The following BAZ2B variants were observed in gnomAD, a reference collection of about 807,000 sequenced individuals.
BAZ2B encodes the protein bromodomain adjacent to zinc finger domain 2B, also known as bromodomain adjacent to zinc finger domain protein 2B.
In BAZ2B, 91 loss-of-function variants were observed where a neutral mutation model predicts 246.0. The observed-to-expected ratio is 0.37, with a 90% CI of 0.31 to 0.44. The LOEUF (loss-of-function observed/expected upper bound fraction) is 0.44, where lower values mean the gene tolerates loss of function less well. Ranked by LOEUF, BAZ2B falls within the 20% of genes least tolerant of loss-of-function variation. The pLI, the probability that BAZ2B is intolerant of heterozygous loss-of-function variation, is 1.00. For synonymous variants in BAZ2B, 855 were observed against 860.0 expected (o/e 0.99, Z 0.10); for missense variants, 2,332 against 2,533.7 (o/e 0.92, Z 1.71).
intron 2 of BAZ2B, among the ~76,000 whole-genome samples, chr2:159,524,548 T>A (rs995965361): frequency 6.6e-6 from 1 of 152,076 alleles, no homozygotes; most frequent in African/African-American, 2.4e-5. Context: ...GATATTTCAA[T>A]AGAACCAATT....
At chr2:159,324,484 G>C (rs1276234287) in intron 36 of BAZ2B, among the ~76,000 whole-genome samples, 1 of 151,998 alleles carries the variant, frequency 6.6e-6, no homozygotes, top group East Asian at 1.9e-4. Context: ...TACTTTGGGA[G>C]GCTCTCCTGA....
intron 1 of BAZ2B, among the ~76,000 whole-genome samples, chr2:159,562,881 T>A (rs546528266): frequency 6.6e-5 from 10 of 152,220 alleles, no homozygotes; most frequent in East Asian, 3.9e-4. Flanking sequence ...TTGCTTTTTT[T>A]AAAAAAATCA....
intron 10 of BAZ2B, among the ~76,000 whole-genome samples, chr2:159,430,044 A>G (rs2070783072): frequency 4.6e-5 from 7 of 152,176 alleles, no homozygotes. Flanking sequence ...AGGACATGGC[A>G]CGTTAATGGA....
At chr2:159,436,631 G>A (rs1577019483) in intron 8 of BAZ2B, among the ~76,000 whole-genome samples, 1 of 152,220 alleles carries the variant, frequency 6.6e-6, no homozygotes, top group African/African-American at 2.4e-5. Context: ...GGCGCCTGTA[G>A]TCCCAGCTAC....
the BAZ2B span, among the ~76,000 whole-genome samples, chr2:159,623,582 T>C: frequency 2.0e-5 from 3 of 152,128 alleles, no homozygotes; most frequent in African/African-American, 7.2e-5. Flanking sequence ...GAGGCTCCTA[T>C]AGAAAAAAGG....
intron 20 of BAZ2B, among the ~76,000 whole-genome samples, chr2:159,394,036 G>C (rs976328769): frequency 1.3e-5 from 2 of 151,984 alleles, no homozygotes; most frequent in African/African-American, 4.8e-5. Context: ...AGCCTAGTAT[G>C]CCTAAAGATA....
At chr2:159,518,047 AGTAGCTT>A (rs1362377518) in intron 2 of BAZ2B, among the ~76,000 whole-genome samples, 1 of 152,240 alleles carries the variant, frequency 6.6e-6, no homozygotes, top group Non-Finnish European at 1.5e-5. Flanking sequence ...CTACCACATA[AGTAGCTT>A]TGAGTATGTA....
chr2:159,336,069 G>A lies in BAZ2B; in HGVS notation c.5796+873C>T, dbSNP rs937984879. On this transcript the variant is annotated intron_variant, in intron 33 of 36. Transcript: ENST00000392783. ...CCAGTTACTCAGGAGGCTGATGCAGGAGAATCCCCTGAACCCAGGAGGCAG... is the reference window on the plus strand; with the variant it reads ...CCAGTTACTCAGGAGGCTGATGCAGAAGAATCCCCTGAACCCAGGAGGCAG... Among the ~76,000 whole-genome samples the A allele has an allele frequency of 3.3e-5, 5 of 152,138 alleles. No individual in the cohort carries two copies. In the East Asian group the frequency reaches 5.8e-4, roughly 18 times the overall value.
chr2:159,335,537 CTG>C (rs2148948908), intron 33 of BAZ2B, among the ~76,000 whole-genome samples: 1 of 64,742 alleles, frequency 1.5e-5, no homozygotes, highest in African/African-American at 4.7e-5. Flanking sequence ...AACAGAGACT[CTG>C]TCTCAAAAAA....
chr2:159,477,024 G>A (rs960349136), intron 3 of BAZ2B, among the ~76,000 whole-genome samples: 8 of 152,176 alleles, frequency 5.3e-5, no homozygotes, highest in South Asian at 4.1e-4. Context: ...TATATAGTGC[G>A]GCTGGGCGCG....
In BAZ2B at chr2:159,427,931, A is replaced by C; in HGVS notation, c.2466+10T>G. 9.3e-6 allele frequency: 15 copies of C among 1,609,412 alleles called. No homozygotes were observed. The highest frequency in any genetic ancestry group is 1.3e-5 in the Non-Finnish European group (15 of 1,176,490). ...TGGTTCAAAGACTATACTTTTTAAA[A>C]AGTGGATACCTGCGGTCCATCTCTG... is the stretch of plus-strand genomic sequence containing the variant. On this transcript the variant is annotated intron_variant, in intron 13 of 36. Transcript: ENST00000392783.
At chr2:159,334,116 A>G (rs575702348) in intron 33 of BAZ2B, among the ~76,000 whole-genome samples, 3 of 152,282 alleles carry the variant, frequency 2.0e-5, no homozygotes, top group Non-Finnish European at 2.9e-5. Context: ...ATTCATGAAC[A>G]TAAGTAAATA....
the BAZ2B span, among the ~76,000 whole-genome samples, chr2:159,648,575 C>T: frequency 6.6e-6 from 1 of 152,246 alleles, no homozygotes; most frequent in Non-Finnish European, 1.5e-5. Flanking sequence ...AGATCATATA[C>T]TATGTATTCT....
chr2:159,680,152 AC>A, the BAZ2B span, among the ~76,000 whole-genome samples: 1 of 152,240 alleles, frequency 6.6e-6, no homozygotes, highest in Non-Finnish European at 1.5e-5. Context: ...AGCTATCAGT[AC>A]CAGAACAAAA....
At position 159,395,819 on chromosome 2, in the gene BAZ2B, G is replaced by C; in HGVS notation, c.3025C>G (p.Arg1009Gly). ...GCTTTCATAAGCATCATGTGTTGTC[G>C]CCTTCGCTCTCGTTCCTATTAGGCC... ...LLKHQERERR[R>G]QHMMLMKAME... The change falls in exon 20 of 37, where the codon CGA (arginine) becomes GGA (glycine). Residue 1009 changes from arginine to glycine, a missense_variant. Arg to Gly is a moderately radical substitution (Grantham distance 125). Coordinates refer to ENST00000392783, the MANE Select transcript of BAZ2B (RefSeq NM_013450.4). 6.2e-7 allele frequency: 1 copy of C among 1,610,956 alleles called. No homozygotes were observed. The highest frequency in any genetic ancestry group is 1.1e-5 in the South Asian group (1 of 90,728).
chr2:159,564,786 C>T (rs544895683), intron 1 of BAZ2B, among the ~76,000 whole-genome samples: 1 of 152,234 alleles, frequency 6.6e-6, no homozygotes, highest in African/African-American at 2.4e-5. Flanking sequence ...TAAAGAGTTT[C>T]AGGAAAGATA....
chr2:159,552,806 A>G (rs1412469606), intron 2 of BAZ2B, among the ~76,000 whole-genome samples: 1 of 152,206 alleles, frequency 6.6e-6, no homozygotes, highest in Admixed American at 6.5e-5. Flanking sequence ...CCCTAAATAC[A>G]ATTATGTTAT....
At chr2:159,498,941 T>G (rs1029794722) in intron 2 of BAZ2B, among the ~76,000 whole-genome samples, 1 of 152,190 alleles carries the variant, frequency 6.6e-6, no homozygotes, top group Admixed American at 6.5e-5. Flanking sequence ...AATATTTTCT[T>G]TCTGTATTCT....
At chr2:159,619,993 A>AT (rs904805342), upstream of BAZ2B, among the ~76,000 whole-genome samples, 3 of 152,234 alleles carry the variant, frequency 2.0e-5, no homozygotes, top group African/African-American at 7.2e-5. Context: ...TTAGTGAATA[A>AT]TTAACTCTGA....
Sources: gnomAD v4.1 joint callset for allele counts (sites outside exome capture counted in the v4.1 genomes callset) on GRCh38, gnomAD v4.1.1 for gene constraint, MANE v1.5 for transcripts, NCBI Gene and HGNC (gene_info 2026-07-23, HGNC 2026-07-21) for gene names.